The following INTS7 variants were observed in gnomAD, a reference collection of about 807,000 sequenced individuals.
INTS7 encodes chromosome 1 open reading frame 73.
Under a neutral mutation model 109.2 loss-of-function variants are expected in INTS7, and 46 were observed. The observed-to-expected ratio is 0.42, with a 90% CI of 0.33 to 0.54. INTS7 has a LOEUF of 0.54. Among genes scored for constraint, INTS7 ranks in the 20% least tolerant of loss-of-function variants. The pLI is 0.07. For synonymous variants in INTS7, 412 were observed against 402.9 expected (o/e 1.02, Z -0.27); for missense variants, 929 against 1,132.4 (o/e 0.82, Z 2.58).
At chr1:211,954,388 C>T (rs1663261563) in intron 16 of INTS7, among the ~76,000 whole-genome samples, 3 of 152,180 alleles carry the variant, frequency 2.0e-5, no homozygotes, top group Non-Finnish European at 4.4e-5. Flanking sequence ...TGTGCAGAAG[C>T]TCTTTAGTTT....
At chr1:212,026,535 G>C (rs1294621014) in intron 1 of INTS7, among the ~76,000 whole-genome samples, 1 of 151,494 alleles carries the variant, frequency 6.6e-6, no homozygotes, top group Admixed American at 6.6e-5. Context: ...AACGCCAAAA[G>C]GGATAATTCT....
chr1:211,966,371 G>C, intron 16 of INTS7, 59 bp downstream of exon 16: 1 of 946,312 alleles, frequency 1.1e-6, no homozygotes, highest in African/African-American at 1.6e-5. Flanking sequence ...CTGATGATTA[G>C]GTAAGACAAT....
chr1:211,989,013 C>T (rs1392556610), intron 7 of INTS7, among the ~76,000 whole-genome samples: 1 of 152,078 alleles, frequency 6.6e-6, no homozygotes, highest in East Asian at 1.9e-4. Flanking sequence ...TGTAATATAA[C>T]AAGTCAAATA....
In INTS7 at chr1:211,946,718, A is replaced by G. The variant is rs1307937758; in HGVS notation, c.2317-13T>C. 40 of 1,572,502 alleles carry G rather than the reference A, an allele frequency of 2.5e-5. No homozygotes were observed. The highest frequency in any genetic ancestry group is 3.3e-5 in the Non-Finnish European group (38 of 1,149,894). ...GGCATGCTGTGTGCTGGGGGAAAAA[A>G]GAAACTAAATCAAATAAAAATAAAT... On this transcript the variant is annotated splice_polypyrimidine_tract_variant and intron_variant, in intron 17 of 19. Transcript: ENST00000366994. This position sits in a 1 kb window ranked among gnomAD's most constrained non-coding sequence, Gnocchi z 4.3.
At position 212,027,866 on chromosome 1, in the gene INTS7, G is replaced by A. The variant is rs778642402; in HGVS notation, c.95-6654C>T. On this transcript the variant is annotated intron_variant, in intron 1 of 19. Transcript: ENST00000366994. ...TTTCTTGAGACAGTCTCACTCTGCC[G>A]CCCAGGCTGGAGTGCAGTGGCGCAA... 4.0e-5 allele frequency among the ~76,000 whole-genome samples: 6 copies of A among 151,202 alleles called. No homozygotes were observed. The East Asian group carries it at 9.7e-4, about 24-fold the overall frequency.
chr1:211,954,803 T>G (rs1663286694), intron 16 of INTS7, among the ~76,000 whole-genome samples: 1 of 152,212 alleles, frequency 6.6e-6, no homozygotes, highest in Non-Finnish European at 1.5e-5. Flanking sequence ...ACTGTAGCCT[T>G]GTAGTATAGT....
At chr1:211,993,542 TG>T (rs1233239140) in intron 7 of INTS7, among the ~76,000 whole-genome samples, 1 of 151,058 alleles carries the variant, frequency 6.6e-6, no homozygotes, top group African/African-American at 2.4e-5. Context: ...TAGCTAGGCG[TG>T]GTGGCAGGCG....
intron 7 of INTS7, among the ~76,000 whole-genome samples, chr1:212,005,209 C>T (rs1395731225): frequency 6.6e-6 from 1 of 152,086 alleles, no homozygotes; most frequent in Admixed American, 6.5e-5. Flanking sequence ...GGATGAGTCT[C>T]ACCAGTGTAA....
At chr1:211,974,245 A>AG (rs1375192888) in intron 13 of INTS7, among the ~76,000 whole-genome samples, 11 of 141,820 alleles carry the variant, frequency 7.8e-5, no homozygotes, top group Admixed American at 5.1e-4. Context: ...AGCCTAATAT[A>AG]GGAAACAACA....
chr1:212,030,554 G>A (rs1345923417), intron 1 of INTS7, among the ~76,000 whole-genome samples: 1 of 152,112 alleles, frequency 6.6e-6, no homozygotes, highest in Non-Finnish European at 1.5e-5. Flanking sequence ...CTCCCAAAGT[G>A]CTGGGATGAC....
chr1:211,993,061 A>C (rs1340502110), intron 7 of INTS7, among the ~76,000 whole-genome samples: 6 of 152,354 alleles, frequency 3.9e-5, no homozygotes, highest in Admixed American at 2.6e-4. Context: ...AGGACTGGTC[A>C]CCAGGGATAT....
rs76855992 is a variant in INTS7, at chr1:212,021,373, T to C, written c.95-161A>G. Among the ~76,000 whole-genome samples, 3,987 of 152,150 alleles carry C rather than the reference T, an allele frequency of 0.026. 61 individuals carry two copies. Among genetic ancestry groups the C allele is most frequent in the African/African-American group, 0.046 (1,912 of 41,496 alleles). ...CCCTTTTAAAAGTAAAAATGGTATA[T>C]TGAAATAGTAATCTGGAAATCGCTA... On this transcript the variant is annotated intron_variant, in intron 1 of 19. Coordinates refer to ENST00000366994, the MANE Select transcript of INTS7 (RefSeq NM_015434.4).
intron 4 of INTS7, among the ~76,000 whole-genome samples, chr1:212,014,646 C>A (rs1213795737): frequency 2.0e-5 from 3 of 151,190 alleles, no homozygotes; most frequent in African/African-American, 7.3e-5. Context: ...AACCTCCCTG[C>A]CTGATTCTCC....
chr1:212,020,148 A>T lies in INTS7; in HGVS notation c.345T>A (p.Asp115Glu). 3.7e-6 allele frequency: 6 copies of T among 1,607,306 alleles called. No individual in the cohort carries two copies. The highest frequency in any genetic ancestry group is 5.1e-6 in the Non-Finnish European group (6 of 1,176,204). The change falls in exon 3 of 20, where the codon GAT (aspartate) becomes GAA (glutamate). Residue 115 changes from aspartate (D) to glutamate (E), a missense_variant. Around this residue, in one of 2 missense-constraint regions of INTS7, gnomAD observed 142 missense variants for 231.4 expected, o/e 0.61. Transcript: ENST00000366994. ...GGAGGGTGATGGCTCTTGCCACAGG[A>T]TCATTACTATGAATCACAGAAAAAA... ...KRIFSVIHSN[D>E]PVARAITLRM...
intron 16 of INTS7, 138 bp downstream of exon 16, chr1:211,966,292 C>A: frequency 2.0e-6 from 1 of 504,404 alleles, no homozygotes; most frequent in African/African-American, 1.9e-5. Context: ...GTTATGTGAC[C>A]CACAAAAAAT....
chr1:211,959,693 T>C lies in INTS7; in HGVS notation c.2183+6737A>G, dbSNP rs1356418662. On this transcript the variant is annotated intron_variant, in intron 16 of 19. Transcript: ENST00000366994. This position sits in a 1 kb window ranked among gnomAD's most constrained non-coding sequence, Gnocchi z 4.2. Reference sequence around the variant, plus strand: ...TGGAGCTCCTGTGTCAACATTGCCCTGGGAGTGAAACCAGGCGTGAACAAC... The same window carrying C: ...TGGAGCTCCTGTGTCAACATTGCCCCGGGAGTGAAACCAGGCGTGAACAAC... Among the ~76,000 whole-genome samples, 2 of 152,150 alleles carry C rather than the reference T, an allele frequency of 1.3e-5. No individual in the cohort carries two copies. The highest frequency in any genetic ancestry group is 1.9e-4 in the East Asian group (1 of 5,194).
intron 7 of INTS7, among the ~76,000 whole-genome samples, chr1:211,999,830 G>A (rs1665581339): frequency 2.6e-5 from 4 of 152,316 alleles, no homozygotes; most frequent in South Asian, 4.1e-4. Context: ...TAGGCCGGGC[G>A]TGGTGGCTCA....
Position 212,007,310 on chromosome 1 carries a change from A to T in INTS7, c.696T>A (p.Ile232=), listed in dbSNP as rs1292587143. Residue 232 remains isoleucine, a synonymous_variant, in exon 6 of 20, where the codon ATT becomes ATA. Transcript: ENST00000366994. Reference sequence around the variant, plus strand: ...GCAGAGTGAAAGTGTGCAAAGACACAATCACCATTTTGGTGGACGGATAGG... The same window carrying T: ...GCAGAGTGAAAGTGTGCAAAGACACTATCACCATTTTGGTGGACGGATAGG... ...VTSYPSTKMV[I]VSLHTFTLLA... The T allele has an allele frequency of 6.2e-7, 1 of 1,614,032 alleles. No homozygotes were observed. Among genetic ancestry groups the T allele is most frequent in the Admixed American group, 1.7e-5 (1 of 59,996 alleles).
In INTS7 at chr1:211,946,480, A is replaced by G; in HGVS notation, c.2415+127T>C. On this transcript the variant is annotated intron_variant, in intron 18 of 19. Coordinates refer to ENST00000366994, the MANE Select transcript of INTS7 (RefSeq NM_015434.4). This position sits in a 1 kb window ranked among gnomAD's most constrained non-coding sequence, Gnocchi z 4.3. ...GACAGGGCGAGACTCTGTCTCAAAA[A>G]ACAAAACAAAACAAAAAAACCAATA... is the stretch of plus-strand genomic sequence containing the variant. The G allele has an allele frequency of 3.4e-6, 2 of 583,102 alleles. No homozygotes were observed. The highest frequency in any genetic ancestry group is 2.2e-5 in the South Asian group (1 of 45,410). 36.1% of individuals were successfully genotyped at this position (583,102 alleles called of 1,614,324 possible).
Sources: allele counts gnomAD v4.1 joint callset (sites outside exome capture counted in the v4.1 genomes callset), GRCh38; gene constraint gnomAD v4.1.1; regional missense constraint gnomAD v4.1.1; non-coding constraint Gnocchi (gnomAD v3.1); transcripts MANE v1.5; gene names NCBI Gene and HGNC (gene_info 2026-07-23, HGNC 2026-07-21).